Variants in DNAJB6 observed in about 807,000 individuals in gnomAD.
DNAJB6 encodes dnaJ homolog subfamily B member 6.
In DNAJB6, 16 loss-of-function variants were observed where a neutral mutation model predicts 42.7. The observed-to-expected ratio is 0.37, with a 90% CI of 0.25 to 0.57. The LOEUF is 0.57. Among genes scored for constraint, DNAJB6 ranks in the 20% least tolerant of loss-of-function variants. The probability of loss-of-function intolerance (pLI) is 0.74; values close to 1 mark genes in which losing one functional copy is unlikely to be tolerated. For synonymous variants in DNAJB6, 170 were observed against 163.5 expected, an observed-to-expected ratio of 1.04 and a Z score of -0.30; for missense variants, 347 against 416.8, an observed-to-expected ratio of 0.83 and a Z score of 1.46.
intron 5 of DNAJB6, among the ~76,000 whole-genome samples, chr7:157,374,808 GC>G (rs1800389838): frequency 6.6e-6 from 1 of 152,174 alleles, no homozygotes; most frequent in Non-Finnish European, 1.5e-5. Context: ...GAGTTTGTGG[GC>G]AGTGTTTCTG....
intron 1 of DNAJB6, among the ~76,000 whole-genome samples, chr7:157,356,863 A>T (rs191780292): frequency 1.3e-5 from 2 of 152,234 alleles, no homozygotes; most frequent in African/African-American, 4.8e-5. Context: ...CTTTGCTGTC[A>T]TGTATTTGAA....
chr7:157,384,802 C>T, intron 6 of DNAJB6, 65 bp from the exon 7 acceptor site: 1 of 1,512,544 alleles, frequency 6.6e-7, no homozygotes, highest in Non-Finnish European at 9.1e-7. Context: ...AACTTTCAAA[C>T]TCTTGTCTTT....
intron 5 of DNAJB6, among the ~76,000 whole-genome samples, chr7:157,368,014 A>G (rs989669418): frequency 5.9e-5 from 9 of 152,260 alleles, no homozygotes; most frequent in African/African-American, 1.7e-4. Flanking sequence ...CTGTGGTCCC[A>G]GCTACTTGGG....
At chr7:157,342,011 C>T (rs1798414240) in intron 1 of DNAJB6, among the ~76,000 whole-genome samples, 1 of 152,084 alleles carries the variant, frequency 6.6e-6, no homozygotes, top group African/African-American at 2.4e-5. Context: ...AGATTACAGG[C>T]GTTCGCCACT....
intron 1 of DNAJB6, among the ~76,000 whole-genome samples, chr7:157,341,339 T>C (rs1402310181): frequency 6.6e-6 from 1 of 152,074 alleles, no homozygotes; most frequent in African/African-American, 2.4e-5. Context: ...TTGGCCAGGC[T>C]GGTCTTGAAC....
At chr7:157,373,831 A>G (rs577083945) in intron 5 of DNAJB6, among the ~76,000 whole-genome samples, 39 of 152,274 alleles carry the variant, frequency 2.6e-4, no homozygotes, top group African/African-American at 9.4e-4. Context: ...ACACAGGCAC[A>G]CCTACACACA....
intron 1 of DNAJB6, among the ~76,000 whole-genome samples, chr7:157,355,814 C>T (rs1799243999): frequency 6.6e-6 from 1 of 152,186 alleles, no homozygotes; most frequent in South Asian, 2.1e-4. Context: ...TGCATGAATA[C>T]CGAGTGCTGT....
intron 1 of DNAJB6, among the ~76,000 whole-genome samples, chr7:157,345,341 T>A (rs1258540992): frequency 6.6e-6 from 1 of 152,118 alleles, no homozygotes; most frequent in Non-Finnish European, 1.5e-5. Flanking sequence ...AGACAGGGCC[T>A]TGCCCTGTCT....
chr7:157,403,523 G>A (rs1795617469), intron 8 of DNAJB6, among the ~76,000 whole-genome samples: 2 of 152,184 alleles, frequency 1.3e-5, no homozygotes, highest in African/African-American at 4.8e-5. Flanking sequence ...CTGGAGTCCA[G>A]TGGTGCAGTC....
At chr7:157,396,057 C>G (rs1801571080) in intron 8 of DNAJB6, among the ~76,000 whole-genome samples, 1 of 151,684 alleles carries the variant, frequency 6.6e-6, no homozygotes, top group African/African-American at 2.4e-5. Context: ...AAGCGATTCT[C>G]ATGCCTCAGC....
intron 8 of DNAJB6, among the ~76,000 whole-genome samples, chr7:157,408,360 G>A (rs753821572): frequency 9.2e-5 from 14 of 152,330 alleles, no homozygotes; most frequent in Non-Finnish European, 1.8e-4. Context: ...TGAGGCCTGC[G>A]CCTCCTCTTG....
At chr7:157,376,843 A>G (rs879338921) in intron 5 of DNAJB6, among the ~76,000 whole-genome samples, 91 of 152,240 alleles carry the variant, frequency 6.0e-4, no homozygotes, top group African/African-American at 2.1e-3. Flanking sequence ...TCGCGCCACT[A>G]CACTCCAGCC....
At chr7:157,369,748 CCTT>C (rs1477347244) in intron 5 of DNAJB6, among the ~76,000 whole-genome samples, 1 of 144,188 alleles carries the variant, frequency 6.9e-6, no homozygotes, top group Non-Finnish European at 1.5e-5. Flanking sequence ...TAAACAGGCC[CCTT>C]CTTAACATTA....
At chr7:157,399,369 G>GA (rs1801739338) in intron 8 of DNAJB6, among the ~76,000 whole-genome samples, 1 of 152,240 alleles carries the variant, frequency 6.6e-6, no homozygotes, top group Non-Finnish European at 1.5e-5. Context: ...GAACAGCCCT[G>GA]ACCGCATCAG....
At chr7:157,337,328 C>G (rs999537047) in intron 1 of DNAJB6, among the ~76,000 whole-genome samples, 184 bp downstream of exon 1, 1 of 151,114 alleles carries the variant, frequency 6.6e-6, no homozygotes, top group Non-Finnish European at 1.5e-5. Context: ...GCGGGGTCCT[C>G]TGGGTCAGGT....
intron 8 of DNAJB6, chr7:157,386,260 T>C: frequency 2.3e-6 from 1 of 440,120 alleles, no homozygotes; most frequent in Admixed American, 7.0e-5. Context: ...TCATTTGCTT[T>C]AAAAAAAAAA....
At chr7:157,399,063 G>A (rs1032586897) in intron 8 of DNAJB6, among the ~76,000 whole-genome samples, 3 of 152,228 alleles carry the variant, frequency 2.0e-5, no homozygotes, top group Non-Finnish European at 4.4e-5. Flanking sequence ...GGCAGTGAAT[G>A]CCCTTTTTTG....
In DNAJB6 at chr7:157,340,294, C is replaced by G. The variant is rs2116838884; in HGVS notation, c.-27+3150C>G. ...TTGGTTAAATTTGTGCAGGACCCCA[C>G]CTGGTGGTGAGAGGCGGGTAACTGC... On this transcript the variant is annotated intron_variant, in intron 1 of 9. Coordinates refer to ENST00000262177, the MANE Select transcript of DNAJB6 (RefSeq NM_058246.4). Among the ~76,000 whole-genome samples the G allele has an allele frequency of 1.3e-5, 2 of 152,262 alleles. 1 individual carries two copies. The highest frequency in any genetic ancestry group is 6.8e-3 in the Middle Eastern group (2 of 294).
intron 1 of DNAJB6, among the ~76,000 whole-genome samples, chr7:157,345,239 C>T (rs1478613100): frequency 6.6e-6 from 1 of 152,176 alleles, no homozygotes; most frequent in Non-Finnish European, 1.5e-5. Context: ...GGTGATCCAC[C>T]CGCCTCAGCC....
Sources: allele counts gnomAD v4.1 joint callset (sites outside exome capture counted in the v4.1 genomes callset), GRCh38; gene constraint gnomAD v4.1.1; transcripts MANE v1.5; gene names NCBI Gene and HGNC (gene_info 2026-07-23, HGNC 2026-07-21).